Variants in COL13A1 observed in about 807,000 individuals in gnomAD.
COL13A1 encodes the protein collagen alpha-1(XIII) chain.
Under a neutral mutation model 130.9 loss-of-function variants are expected in COL13A1, and 89 were observed. The observed-to-expected ratio is 0.68, with a 90% CI of 0.57 to 0.81. The LOEUF (loss-of-function observed/expected upper bound fraction) is 0.81. Ranked by LOEUF, COL13A1 falls within the 30% of genes least tolerant of loss-of-function variation. COL13A1 has a pLI of 0.00. For synonymous variants in COL13A1, 402 were observed against 341.6 expected (o/e 1.18, Z -1.95); for missense variants, 879 against 934.6 (o/e 0.94, Z 0.78).
At chr10:69,935,132 G>A (rs560739888) in intron 31 of COL13A1, among the ~76,000 whole-genome samples, 1 of 152,114 alleles carries the variant, frequency 6.6e-6, no homozygotes, top group African/African-American at 2.4e-5. Context: ...GACAGTTCCT[G>A]GAAATTTGCT....
At chr10:69,833,548 T>C (rs1012768059) in intron 2 of COL13A1, among the ~76,000 whole-genome samples, 2 of 152,060 alleles carry the variant, frequency 1.3e-5, no homozygotes, top group African/African-American at 2.4e-5. Context: ...AACAGAAGCA[T>C]AGGCATCTAG....
intron 37 of COL13A1, among the ~76,000 whole-genome samples, chr10:69,946,857 G>A (rs1469528560): frequency 2.6e-5 from 4 of 152,030 alleles, no homozygotes; most frequent in African/African-American, 9.7e-5. Context: ...GCATGATCTC[G>A]GCTCACTGCA....
chr10:69,906,779 G>GAT (rs1265201423), intron 17 of COL13A1, among the ~76,000 whole-genome samples: 1 of 151,976 alleles, frequency 6.6e-6, no homozygotes, highest in Non-Finnish European at 1.5e-5. Flanking sequence ...TCACCAGGCT[G>GAT]GAGTGCAATG....
At chr10:69,880,467 C>A in intron 6 of COL13A1, 36 bp from the exon 7 acceptor site, 1 of 1,219,364 alleles carries the variant, frequency 8.2e-7, no homozygotes, top group Non-Finnish European at 1.2e-6. Flanking sequence ...ACCTCCCTGC[C>A]CCTCGCTCCC....
intron 25 of COL13A1, 66 bp downstream of exon 25, chr10:69,925,073 C>A: frequency 7.0e-7 from 1 of 1,425,098 alleles, no homozygotes; most frequent in Non-Finnish European, 9.3e-7. Flanking sequence ...GCATCTGAGA[C>A]AGGTCTCAAT....
chr10:69,914,533 G>A (rs1336208816), intron 17 of COL13A1, among the ~76,000 whole-genome samples: 1 of 152,232 alleles, frequency 6.6e-6, no homozygotes, highest in East Asian at 1.9e-4. Flanking sequence ...CGAAATGGAG[G>A]TGGGAAGAAG....
rs189478261 is a variant in COL13A1 at position 69,856,970 on chromosome 10, A to C, written c.365-10828A>C. 1.1e-4 allele frequency among the ~76,000 whole-genome samples: 17 copies of C among 152,328 alleles called. 1 individual carries two copies. Among genetic ancestry groups the C allele is most frequent in the African/African-American group, 3.8e-4 (16 of 41,570 alleles). ...TGATTGATTTCCACCTCGCCCACAC[A>C]AGGGCTGACTTGATAGAGAACTTTT... On this transcript the variant is annotated intron_variant, in intron 2 of 40. Coordinates refer to ENST00000645393, the MANE Select transcript of COL13A1 (RefSeq NM_001368882.1).
intron 13 of COL13A1, chr10:69,897,396 G>A: frequency 6.9e-7 from 1 of 1,447,310 alleles, no homozygotes; most frequent in East Asian, 2.4e-5. Context: ...GTGGGGAGCA[G>A]GGGAGCTGGT....
intron 30 of COL13A1, chr10:69,931,167 A>G: frequency 2.2e-6 from 1 of 456,230 alleles, no homozygotes; most frequent in East Asian, 6.9e-5. Context: ...TAGGGTCTAG[A>G]TGGCCCAACT....
At chr10:69,818,821 C>G (rs985668136) in intron 1 of COL13A1, among the ~76,000 whole-genome samples, 5 of 152,222 alleles carry the variant, frequency 3.3e-5, no homozygotes, top group Admixed American at 6.5e-5. Flanking sequence ...ATGCCCACCC[C>G]CTATGGTGAG....
At chr10:69,930,220 C>A in intron 29 of COL13A1, 133 bp downstream of exon 29, 2 of 1,009,286 alleles carry the variant, frequency 2.0e-6, no homozygotes, top group African/African-American at 1.7e-5. Flanking sequence ...TGGGGGGGGG[C>A]AGGGAGAGGG....
chr10:69,880,576 C>T (rs557556408), intron 7 of COL13A1, 23 bp downstream of exon 7: 172 of 1,611,976 alleles, frequency 1.1e-4, no homozygotes, highest in South Asian at 7.9e-4. Flanking sequence ...TGCTCTTCCT[C>T]GGGGTGTTGG....
chr10:69,886,108 T>C (rs189019428), intron 7 of COL13A1, among the ~76,000 whole-genome samples: 1 of 152,324 alleles, frequency 6.6e-6, no homozygotes, highest in Admixed American at 6.5e-5. Context: ...GGAGAGGATC[T>C]GATTCTAAAA....
At chr10:69,935,432 C>T (rs994168699) in intron 32 of COL13A1, 41 bp downstream of exon 32, 2 of 1,436,032 alleles carry the variant, frequency 1.4e-6, no homozygotes, top group East Asian at 2.5e-5. Flanking sequence ...CCACTAATGT[C>T]CCCTCTCCAC....
chr10:69,888,679 A>G (rs975206653), intron 9 of COL13A1, among the ~76,000 whole-genome samples: 15 of 152,068 alleles, frequency 9.9e-5, no homozygotes, highest in African/African-American at 3.6e-4. Flanking sequence ...CCACTCATGC[A>G]CACGCTTGCC....
chr10:69,948,861 A>G (rs2068945553), intron 38 of COL13A1, among the ~76,000 whole-genome samples: 1 of 152,300 alleles, frequency 6.6e-6, no homozygotes, highest in Admixed American at 6.5e-5. Flanking sequence ...TGCTGCAGCA[A>G]CTGAGGTTAT....
In COL13A1 at chr10:69,829,856, C is replaced by T. The variant is rs369107228; in HGVS notation, c.364+7418C>T. Among the ~76,000 whole-genome samples, 9 of 152,330 alleles carry T rather than the reference C, an allele frequency of 5.9e-5. No homozygotes were observed. The South Asian group carries it at 1.9e-3, about 32-fold the overall frequency. On this transcript the variant is annotated intron_variant, in intron 2 of 40. Transcript: ENST00000645393. ...TTTCTCTCAAGGCCCTCTGGCTCTG[C>T]GTTTCAGAAATTCCTGGGGAATTCT...
At chr10:69,894,914 A>G (rs1477186094) in intron 12 of COL13A1, among the ~76,000 whole-genome samples, 1 of 152,072 alleles carries the variant, frequency 6.6e-6, no homozygotes, top group East Asian at 1.9e-4. Context: ...GGTCCGGGTG[A>G]CATCCTTTCC....
At chr10:69,929,545 C>A (rs550422791) in intron 28 of COL13A1, among the ~76,000 whole-genome samples, 84 of 152,322 alleles carry the variant, frequency 5.5e-4, no homozygotes, top group African/African-American at 2.0e-3. Flanking sequence ...GAATTCCCTG[C>A]CCTTTCCTCT....
Sources: allele counts gnomAD v4.1 joint callset (sites outside exome capture counted in the v4.1 genomes callset), GRCh38; gene constraint gnomAD v4.1.1; transcripts MANE v1.5; gene names NCBI Gene and HGNC (gene_info 2026-07-23, HGNC 2026-07-21).